TDRD12: variants seen among roughly 807,000 people sequenced by gnomAD.
TDRD12 encodes putative ATP-dependent RNA helicase TDRD12.
TDRD12 carries 158 observed loss-of-function variants against 133.5 expected under a neutral mutation model. That is an observed-to-expected ratio of 1.18 (90% CI 1.04 to 1.35). The LOEUF is 1.35. TDRD12 is among the 40% of genes most tolerant of loss of function. The pLI is 0.00. For missense variants in TDRD12, 1,443 were observed against 1,321.3 expected (o/e 1.09, Z -1.43); for synonymous variants, 460 against 477.9 (o/e 0.96, Z 0.49).
intron 9 of TDRD12, 133 bp downstream of exon 32, chr19:32,826,882 CTTTG>C (rs1967610924): frequency 5.3e-6 from 3 of 570,362 alleles, no homozygotes; most frequent in East Asian, 3.5e-5. Context: ...TCAGTTTTCT[CTTTG>C]TTTATCTTGG....
At chr19:32,807,502 T>C (rs1971587653) in intron 21 of TDRD12, 47 bp from the exon 22 acceptor site, 1 of 1,317,594 alleles carries the variant, frequency 7.6e-7, no homozygotes, top group Non-Finnish European at 1.0e-6. Context: ...AAATTCACAT[T>C]AACAATTATT....
At chr19:32,755,038 A>G (rs1439054991) in intron 6 of TDRD12, among the ~76,000 whole-genome samples, 4 of 152,304 alleles carry the variant, frequency 2.6e-5, no homozygotes, top group East Asian at 1.9e-4. Flanking sequence ...ATGTGTCCCA[A>G]GGTGTTTTCT....
chr19:32,740,439 T>C (rs112673662), intron 3 of TDRD12, among the ~76,000 whole-genome samples: 4 of 138,796 alleles, frequency 2.9e-5, no homozygotes, highest in East Asian at 2.3e-4. Flanking sequence ...ATCTCCTGGG[T>C]ACTCTCTGCA....
chr19:32,735,274 GA>G (rs35780198), intron 2 of TDRD12, among the ~76,000 whole-genome samples: 10 of 149,298 alleles, frequency 6.7e-5, no homozygotes, highest in Admixed American at 1.3e-4. Flanking sequence ...ACACACAAAT[GA>G]AAAAAAAAAT....
In TDRD12 at chr19:32,767,616, G is replaced by A. The variant is rs545074511; in HGVS notation, c.866-5137G>A. On this transcript the variant is annotated intron_variant, in intron 8 of 27. Coordinates refer to ENST00000444215, the Ensembl canonical transcript of TDRD12. ...TCTTGTTGGCCTTGCCATCCTGAAG[G>A]TTTTGCCGCCATCCTCCTATTCAAT... is the stretch of plus-strand genomic sequence containing the variant. Among the ~76,000 whole-genome samples, 431 of 152,258 alleles carry A rather than the reference G, an allele frequency of 2.8e-3. 1 individual carries two copies. Among genetic ancestry groups the A allele is most frequent in the African/African-American group, 9.6e-3 (397 of 41,552 alleles).
At chr19:32,813,627 C>T in intron 24 of TDRD12, 57 bp from the exon 25 acceptor site, 1 of 1,050,436 alleles carries the variant, frequency 9.5e-7, no homozygotes, top group African/African-American at 1.6e-5. Context: ...ATGGCATATA[C>T]AAAATAAGGT....
chr19:32,741,594 GA>G (rs1969428470), intron 3 of TDRD12, among the ~76,000 whole-genome samples: 1 of 152,190 alleles, frequency 6.6e-6, no homozygotes. Context: ...TTTTGGGTGA[GA>G]AAATCGTATG....
At chr19:32,722,319 T>C (rs1968709672) in intron 1 of TDRD12, among the ~76,000 whole-genome samples, 1 of 152,132 alleles carries the variant, frequency 6.6e-6, no homozygotes, top group Non-Finnish European at 1.5e-5. Flanking sequence ...TGCTGCCTCC[T>C]GTTCGCGAAC....
rs1204572107 is a variant in TDRD12 at position 32,800,403 on chromosome 19, A to G, written c.1950+45A>G. 48 of 1,271,314 alleles carry G rather than the reference A, an allele frequency of 3.8e-5. No individual in the cohort carries two copies. The Admixed American group carries it at 4.5e-4, about 12-fold the overall frequency. The allele number at this position is 1,271,314 out of a possible 1,614,324, so 78.8% of individuals were successfully genotyped here. A position where few individuals can be genotyped will look rare whatever the true frequency, so the allele number is the denominator to read the frequency against. On this transcript the variant is annotated intron_variant, in intron 17 of 27. Coordinates refer to ENST00000444215, the Ensembl canonical transcript of TDRD12. ...TATGTGTATGTGTGTGTGTGTGTGT[A>G]TGTGTTGGTGGGGGGCTGATGAACA...
At chr19:32,815,679 G>A in intron 26 of TDRD12, 59 bp downstream of exon 26, 2 of 1,446,036 alleles carry the variant, frequency 1.4e-6, no homozygotes, top group Non-Finnish European at 1.9e-6. Context: ...CAACTCACAA[G>A]TGTTAAGGAC....
At chr19:32,802,009 T>A in intron 19 of TDRD12, 136 bp downstream of exon 19, 1 of 431,312 alleles carries the variant, frequency 2.3e-6, no homozygotes, top group African/African-American at 2.0e-5. Flanking sequence ...GCAATGTTAA[T>A]TTCAAAATGA....
At chr19:32,801,816 C>A (rs1159312854) in exon 19 of TDRD12, 10 of 1,475,984 alleles carry the variant, frequency 6.8e-6, no homozygotes, top group East Asian at 2.5e-5. Flanking sequence ...TTTTAACTTA[C>A]AAAATGTTTT....
Position 32,800,279 on chromosome 19 carries a change from T to C in TDRD12, c.1871T>C (p.Leu624Pro), listed in dbSNP as rs1007776552. Residue 624 changes from leucine (L) to proline (P), a missense_variant, in exon 17 of 28, where the codon CTC becomes CCC. Physicochemically the swap from Leu to Pro is moderately conservative, Grantham distance 98. Coordinates refer to ENST00000444215, the Ensembl canonical transcript of TDRD12. ...CATTGGAACAAACATATAGAACATC[T>C]CATCAAAGAGTTCATGAATGATCCC... 3 of 1,535,198 alleles carry C rather than the reference T, an allele frequency of 2.0e-6. No individual in the cohort carries two copies. In the African/African-American group the frequency reaches 4.1e-5, roughly 21 times the overall value.
intron 11 of TDRD12, among the ~76,000 whole-genome samples, chr19:32,778,207 C>G (rs1970663627): frequency 2.0e-5 from 3 of 151,892 alleles, no homozygotes; most frequent in Admixed American, 1.3e-4. Flanking sequence ...CCCAGCTTCC[C>G]AGAGGCCATG....
At chr19:32,820,315 CA>C (rs1967335350) in intron 27 of TDRD12, among the ~76,000 whole-genome samples, 1 of 152,062 alleles carries the variant, frequency 6.6e-6, no homozygotes, top group South Asian at 2.1e-4. Context: ...CAAAGATGTA[CA>C]AAAACTGAGT....
chr19:32,788,652 G>C (rs1343061592), intron 11 of TDRD12, among the ~76,000 whole-genome samples: 1 of 151,774 alleles, frequency 6.6e-6, no homozygotes, highest in South Asian at 2.1e-4. Flanking sequence ...TTTTTTGCAG[G>C]GTGCATTACT....
Position 32,747,096 on chromosome 19 carries a change from G to C in TDRD12, c.441-1380G>C, listed in dbSNP as rs1381175698. On this transcript the variant is annotated intron_variant, in intron 4 of 27. Transcript: ENST00000444215. ...AGAGAGGGAGAGTGACTGGCTGATG[G>C]GGTTATTCTGTGTGTGTGAGAGAGG... Among the ~76,000 whole-genome samples the C allele has an allele frequency of 3.0e-5, 4 of 131,216 alleles. No homozygotes were observed. The East Asian group carries it at 9.8e-4, about 32-fold the overall frequency. 86.1% of individuals were successfully genotyped at this position (131,216 alleles called of 152,430 possible). A position where few individuals can be genotyped will look rare whatever the true frequency, so the allele number is the denominator to read the frequency against.
At chr19:32,747,724 C>T (rs992765317) in intron 4 of TDRD12, among the ~76,000 whole-genome samples, 22 of 152,068 alleles carry the variant, frequency 1.4e-4, no homozygotes, top group African/African-American at 7.2e-5. Flanking sequence ...TTATAGTAGC[C>T]GAGACCCAGT....
Position 32,802,652 on chromosome 19 carries a change from G to A in TDRD12, c.2198-4G>A, listed in dbSNP as rs1349382045. On this transcript the variant is annotated splice_region_variant and splice_polypyrimidine_tract_variant and intron_variant, in intron 19 of 27. Transcript: ENST00000444215. ...TGTGACATTGTCGGACTCCCTCTCTGCAGCCCTCACAGACGACTGCGTCCC... is the reference window on the plus strand; with the variant it reads ...TGTGACATTGTCGGACTCCCTCTCTACAGCCCTCACAGACGACTGCGTCCC... 2 of 1,535,754 alleles carry A rather than the reference G, an allele frequency of 1.3e-6. No individual in the cohort carries two copies. The highest frequency in any genetic ancestry group is 1.7e-6 in the Non-Finnish European group (2 of 1,146,750).
Sources: allele counts gnomAD v4.1 joint callset (sites outside exome capture counted in the v4.1 genomes callset), GRCh38; gene constraint gnomAD v4.1.1; transcripts MANE v1.5; gene names NCBI Gene and HGNC (gene_info 2026-07-23, HGNC 2026-07-21).